STK32B: variants seen among roughly 807,000 people sequenced by gnomAD.
The protein encoded by STK32B is serine/threonine-protein kinase 32B.
Under a neutral mutation model 52.6 loss-of-function variants are expected in STK32B, and 43 were observed. The observed-to-expected ratio is 0.82, with a 90% CI of 0.64 to 1.05. STK32B has a LOEUF of 1.05. Among genes scored for constraint, STK32B ranks in the 50% least tolerant of loss-of-function variants. STK32B has a pLI of 0.00. For synonymous variants in STK32B, 238 were observed against 204.3 expected (o/e 1.17, Z -1.41); for missense variants, 621 against 534.6 (o/e 1.16, Z -1.59).
At chr4:5,366,510 AAC>A (rs1734889566) in intron 4 of STK32B, among the ~76,000 whole-genome samples, 1 of 152,228 alleles carries the variant, frequency 6.6e-6, no homozygotes, top group Non-Finnish European at 1.5e-5. Flanking sequence ...GAGACAAGAT[AAC>A]ACAGAAGATT....
intron 3 of STK32B, among the ~76,000 whole-genome samples, chr4:5,275,906 A>G (rs1355249911): frequency 6.6e-6 from 1 of 152,260 alleles, no homozygotes; most frequent in East Asian, 1.9e-4. Flanking sequence ...CCATGCATCC[A>G]GTCACCTGCT....
intron 3 of STK32B, among the ~76,000 whole-genome samples, chr4:5,311,931 ATTC>A (rs947204595): frequency 8.2e-5 from 12 of 146,908 alleles, no homozygotes; most frequent in African/African-American, 2.5e-4. Flanking sequence ...TTTAAAGTTT[ATTC>A]TTATTTTTAT....
At chr4:5,156,037 TCCACC>T (rs1453796725) in intron 2 of STK32B, among the ~76,000 whole-genome samples, 1 of 151,810 alleles carries the variant, frequency 6.6e-6, no homozygotes, top group Non-Finnish European at 1.5e-5. Flanking sequence ...TACCTATAGA[TCCACC>T]ACAAAACACA....
chr4:5,278,272 A>G (rs1397781383), intron 3 of STK32B, among the ~76,000 whole-genome samples: 2 of 152,236 alleles, frequency 1.3e-5, no homozygotes, highest in Non-Finnish European at 2.9e-5. Flanking sequence ...TGCACCAGGA[A>G]GGAAGGAGGC....
At chr4:5,316,058 T>G (rs1354064039) in intron 3 of STK32B, among the ~76,000 whole-genome samples, 1 of 144,492 alleles carries the variant, frequency 6.9e-6, no homozygotes, top group Admixed American at 7.5e-5. Flanking sequence ...ATGTAATGTC[T>G]GTTTAGTTTT....
Position 5,473,612 on chromosome 4 carries a change from C to G in STK32B, c.1106+5542C>G, listed in dbSNP as rs145831529. On this transcript the variant is annotated intron_variant, in intron 11 of 11. Transcript: ENST00000282908. Reference sequence around the variant, plus strand: ...AATCAAAATAGCCCCTGGCCATGTACATTAAATGTTGGGCAAGGAATTGTC... The same window carrying G: ...AATCAAAATAGCCCCTGGCCATGTAGATTAAATGTTGGGCAAGGAATTGTC... Among the ~76,000 whole-genome samples, 6 of 152,280 alleles carry G rather than the reference C, an allele frequency of 3.9e-5. No individual in the cohort carries two copies. In the East Asian group the frequency reaches 7.7e-4, roughly 20 times the overall value.
At chr4:5,311,924 A>ATATATATATATATATATATATATAT (rs1730320955) in intron 3 of STK32B, among the ~76,000 whole-genome samples, 1 of 146,138 alleles carries the variant, frequency 6.8e-6, no homozygotes, top group Non-Finnish European at 1.5e-5. Context: ...ATTTTTTTTT[A>ATATATATATATATATATATATATAT]AAGTTTATTC....
chr4:5,232,167 A>G (rs1016505722), intron 3 of STK32B, among the ~76,000 whole-genome samples: 3 of 152,168 alleles, frequency 2.0e-5, no homozygotes, highest in African/African-American at 7.2e-5. Flanking sequence ...CTCTCTCAGA[A>G]TAATGCTTTT....
intron 3 of STK32B, among the ~76,000 whole-genome samples, chr4:5,196,137 G>C (rs4689201): frequency 3.3e-5 from 5 of 152,094 alleles, no homozygotes; most frequent in Admixed American, 2.0e-4. Context: ...TGGAAATGCA[G>C]GTGGAGAGGG....
intron 11 of STK32B, among the ~76,000 whole-genome samples, chr4:5,476,650 AGCACCTGTGAAGATGACCTGTCACCTG>A (rs1217324835): frequency 2.2e-4 from 33 of 152,106 alleles, no homozygotes; most frequent in African/African-American, 8.0e-4. Flanking sequence ...CCTGTCGCCT[AGCACCTGTGAAGATGACCTGTCACCTG>A]GCACCTGTGA....
the STK32B span, among the ~76,000 whole-genome samples, chr4:5,031,421 A>T: frequency 2.6e-5 from 4 of 151,976 alleles, no homozygotes; most frequent in Non-Finnish European, 5.9e-5. Context: ...ACATAGTAAG[A>T]CATCATCTCT....
the STK32B span, among the ~76,000 whole-genome samples, chr4:5,033,174 G>A: frequency 3.3e-5 from 5 of 152,190 alleles, no homozygotes; most frequent in Non-Finnish European, 1.5e-5. Flanking sequence ...CGGCCTCATG[G>A]AAGGAAGAGA....
intron 3 of STK32B, among the ~76,000 whole-genome samples, chr4:5,281,570 C>A (rs748960647): frequency 6.6e-6 from 1 of 151,980 alleles, no homozygotes; most frequent in African/African-American, 2.4e-5. Flanking sequence ...AACAAACCTG[C>A]GTGTTCTGTA....
At chr4:5,293,322 G>A (rs1320658736) in intron 3 of STK32B, among the ~76,000 whole-genome samples, 2 of 151,908 alleles carry the variant, frequency 1.3e-5, no homozygotes, top group African/African-American at 4.8e-5. Context: ...ACATTACTGG[G>A]TCAAATGGTA....
the STK32B span, among the ~76,000 whole-genome samples, chr4:5,043,849 T>G: frequency 6.6e-6 from 1 of 152,252 alleles, no homozygotes; most frequent in Non-Finnish European, 1.5e-5. Context: ...GCTACCTGTC[T>G]TCTCGGGCTC....
At chr4:5,418,152 C>T (rs962885890) in intron 6 of STK32B, among the ~76,000 whole-genome samples, 1 of 152,240 alleles carries the variant, frequency 6.6e-6, no homozygotes, top group African/African-American at 2.4e-5. Flanking sequence ...TGAAACAACC[C>T]ATCACTGTGT....
At chr4:5,285,534 A>T (rs1728492656) in intron 3 of STK32B, among the ~76,000 whole-genome samples, 1 of 152,220 alleles carries the variant, frequency 6.6e-6, no homozygotes, top group Admixed American at 6.5e-5. Context: ...AATTGACTGC[A>T]CAGCAAAAGG....
At chr4:5,327,892 CT>C (rs1269274721) in intron 3 of STK32B, among the ~76,000 whole-genome samples, 1 of 152,226 alleles carries the variant, frequency 6.6e-6, no homozygotes, top group African/African-American at 2.4e-5. Context: ...ATTTTATCTA[CT>C]TTGAAAATCT....
intron 3 of STK32B, among the ~76,000 whole-genome samples, chr4:5,212,619 A>G (rs571484395): frequency 6.6e-6 from 1 of 152,272 alleles, no homozygotes; most frequent in African/African-American, 2.4e-5. Context: ...AAACTTTCCA[A>G]TTTTGTTATG....
Sources: allele counts gnomAD v4.1 joint callset (sites outside exome capture counted in the v4.1 genomes callset), GRCh38; gene constraint gnomAD v4.1.1; transcripts MANE v1.5; gene names NCBI Gene and HGNC (gene_info 2026-07-23, HGNC 2026-07-21).